KIF26B: variants seen among roughly 807,000 people sequenced by gnomAD.
KIF26B encodes kinesin-like protein KIF26B.
A neutral mutation model predicts 151.2 loss-of-function variants in KIF26B; 63 were observed. The observed-to-expected ratio is 0.42, with a 90% confidence interval of 0.34 to 0.51. The LOEUF is 0.51. Ranked by LOEUF, KIF26B falls within the 20% of genes least tolerant of loss-of-function variation. KIF26B has a pLI of 0.07. For synonymous variants in KIF26B, 1,357 were observed against 1,262.1 expected (o/e 1.08, Z -1.59); for missense variants, 2,813 against 2,913.6 (o/e 0.97, Z 0.79).
At chr1:245,439,117 G>GT (rs1436485790) in intron 4 of KIF26B, among the ~76,000 whole-genome samples, 2 of 152,166 alleles carry the variant, frequency 1.3e-5, no homozygotes. Context: ...GCAGGCCGAG[G>GT]TGGGAGGATC....
rs1484460045 is a variant in KIF26B, at chr1:245,344,412, G to A, written c.466-22422G>A. Among the ~76,000 whole-genome samples the A allele has an allele frequency of 2.7e-5, 4 of 149,210 alleles. No individual in the cohort carries two copies. In the South Asian group the frequency reaches 8.5e-4, roughly 32 times the overall value. ...CGGGAGGCTGAGGCAGGAGAGTGGCGTGAACCCGGAGGGCGGAGCCTGCAG... is the reference window on the plus strand; with the variant it reads ...CGGGAGGCTGAGGCAGGAGAGTGGCATGAACCCGGAGGGCGGAGCCTGCAG... On this transcript the variant is annotated intron_variant, in intron 2 of 14. Transcript: ENST00000407071.
rs369520389 is a variant in KIF26B, at chr1:245,700,134, G to A, written c.6178+1097G>A. On this transcript the variant is annotated intron_variant, in intron 14 of 14. Transcript: ENST00000407071. ...ATAATATTAAGTTGCAGCATTTGCC[G>A]CTGTGGCCACAGGCATACAGACCTG... Among the ~76,000 whole-genome samples the A allele has an allele frequency of 3.3e-4, 51 of 152,246 alleles. 1 individual carries two copies. Among genetic ancestry groups the A allele is most frequent in the African/African-American group, 1.2e-3 (48 of 41,540 alleles).
At chr1:245,275,195 A>G (rs985948078) in intron 2 of KIF26B, among the ~76,000 whole-genome samples, 4 of 152,004 alleles carry the variant, frequency 2.6e-5, no homozygotes, top group African/African-American at 9.7e-5. Flanking sequence ...CTTCTTGTAA[A>G]TTTGTTTAAA....
chr1:245,614,880 AG>A, intron 9 of KIF26B: 2 of 81,010 alleles, frequency 2.5e-5, no homozygotes, highest in Non-Finnish European at 4.7e-5. Flanking sequence ...GAGGAGATGC[AG>A]ACCTTTAAAA....
chr1:245,220,545 T>C (rs747820470), intron 2 of KIF26B, among the ~76,000 whole-genome samples: 1 of 152,150 alleles, frequency 6.6e-6, no homozygotes, highest in Non-Finnish European at 1.5e-5. Context: ...TGCGCCTCAC[T>C]AGTCAGGCAC....
chr1:245,626,683 C>G (rs933772964), intron 9 of KIF26B, among the ~76,000 whole-genome samples: 1 of 152,012 alleles, frequency 6.6e-6, no homozygotes, highest in Non-Finnish European at 1.5e-5. Context: ...TGCAGGTTGT[C>G]TCTTTGCTCT....
intron 2 of KIF26B, among the ~76,000 whole-genome samples, chr1:245,220,172 A>G (rs1669735417): frequency 6.6e-6 from 1 of 152,212 alleles, no homozygotes; most frequent in African/African-American, 2.4e-5. Context: ...ACAGAAAATC[A>G]GAGGAACAGC....
At chr1:245,326,421 T>A (rs1451817640) in intron 2 of KIF26B, among the ~76,000 whole-genome samples, 1 of 152,154 alleles carries the variant, frequency 6.6e-6, no homozygotes, top group Non-Finnish European at 1.5e-5. Context: ...GGAAGTGGCT[T>A]TATTTCTTCC....
intron 4 of KIF26B, among the ~76,000 whole-genome samples, chr1:245,493,649 C>T (rs1660452274): frequency 1.3e-5 from 2 of 152,186 alleles, no homozygotes; most frequent in Non-Finnish European, 2.9e-5. Context: ...CCTACTGAGC[C>T]AGAATTGTCT....
chr1:245,605,292 G>A (rs1166583942), intron 6 of KIF26B, among the ~76,000 whole-genome samples: 2 of 152,200 alleles, frequency 1.3e-5, no homozygotes, highest in African/African-American at 2.4e-5. Flanking sequence ...GCATGCTGCT[G>A]GCCAGGGCAA....
rs1006343977 is a variant in KIF26B, at chr1:245,667,100, A to G, written c.2259-17133A>G. 6.6e-6 allele frequency among the ~76,000 whole-genome samples: 1 copy of G among 150,442 alleles called. No homozygotes were observed. The highest frequency in any genetic ancestry group is 2.5e-5 in the African/African-American group (1 of 39,820). ...CTCTAGGATGTGATGGGAGGCTGAA[A>G]GCATCTCTCTGCTGTGACGTAGGAG... On this transcript the variant is annotated intron_variant, in intron 10 of 14. Coordinates refer to ENST00000407071, the MANE Select transcript of KIF26B (RefSeq NM_018012.4). This position sits in a 1 kb window ranked among gnomAD's most constrained non-coding sequence, Gnocchi z 4.3.
chr1:245,577,473 G>A (rs1190559538), intron 5 of KIF26B, among the ~76,000 whole-genome samples: 1 of 152,244 alleles, frequency 6.6e-6, no homozygotes, highest in African/African-American at 2.4e-5. Flanking sequence ...TCTCCAGGGA[G>A]AGAAGAGGGT....
At chr1:245,701,549 G>A (rs1436678148) in intron 14 of KIF26B, among the ~76,000 whole-genome samples, 1 of 152,164 alleles carries the variant, frequency 6.6e-6, no homozygotes, top group Non-Finnish European at 1.5e-5. Context: ...GCAGAAAGAA[G>A]ACACTCTGCA....
At chr1:245,511,858 A>C (rs1347734004) in intron 4 of KIF26B, among the ~76,000 whole-genome samples, 1 of 152,214 alleles carries the variant, frequency 6.6e-6, no homozygotes, top group Non-Finnish European at 1.5e-5. Context: ...TCACTTGAAG[A>C]CCAAAATCAG....
rs1441002447 is a variant in KIF26B, at chr1:245,573,000, G to T, written c.1351-29577G>T. ...ATATCAATGGAGTTCTTGACATTTTGCCCAGAACCTGAGGAAGAATAAAAC... is the reference window on the plus strand; with the variant it reads ...ATATCAATGGAGTTCTTGACATTTTTCCCAGAACCTGAGGAAGAATAAAAC... On this transcript the variant is annotated intron_variant, in intron 5 of 14. Coordinates refer to ENST00000407071, the MANE Select transcript of KIF26B (RefSeq NM_018012.4). This position sits in a 1 kb window ranked among gnomAD's most constrained non-coding sequence, Gnocchi z 4.2. Among the ~76,000 whole-genome samples the T allele has an allele frequency of 3.9e-5, 6 of 152,144 alleles. No homozygotes were observed. The highest frequency in any genetic ancestry group is 1.4e-4 in the African/African-American group (6 of 41,444).
chr1:245,507,450 T>C (rs925909763), intron 4 of KIF26B, among the ~76,000 whole-genome samples: 2 of 152,210 alleles, frequency 1.3e-5, no homozygotes, highest in Admixed American at 6.5e-5. Flanking sequence ...TGTGTTGGAC[T>C]TGATGGCTGG....
At chr1:245,523,297 A>G (rs1391663383) in intron 4 of KIF26B, among the ~76,000 whole-genome samples, 1 of 152,152 alleles carries the variant, frequency 6.6e-6, no homozygotes, top group African/African-American at 2.4e-5. Context: ...CTCAATTTAC[A>G]CAATTCTTTT....
chr1:245,184,120 G>A (rs1668962516), intron 2 of KIF26B, among the ~76,000 whole-genome samples: 1 of 116,728 alleles, frequency 8.6e-6, no homozygotes, highest in African/African-American at 3.2e-5. Context: ...CCAAGGATCA[G>A]TTATAGCTCT....
At position 245,244,108 on chromosome 1, in the gene KIF26B, G is replaced by A. The variant is rs1354154232; in HGVS notation, c.465+87425G>A. Among the ~76,000 whole-genome samples the A allele has an allele frequency of 6.6e-6, 1 of 151,810 alleles. No individual in the cohort carries two copies. Among genetic ancestry groups the A allele is most frequent in the Non-Finnish European group, 1.5e-5 (1 of 67,970 alleles). On this transcript the variant is annotated intron_variant, in intron 2 of 14. Coordinates refer to ENST00000407071, the MANE Select transcript of KIF26B (RefSeq NM_018012.4). The surrounding 1 kb of genome is among the most constrained non-coding windows in gnomAD (Gnocchi z 4.2). ...ACTACAGGCATGCACCATCATGCCTGGCTAATTTTTATTTATTTATTTATT... is the reference window on the plus strand; with the variant it reads ...ACTACAGGCATGCACCATCATGCCTAGCTAATTTTTATTTATTTATTTATT...
Sources: allele counts gnomAD v4.1 joint callset (sites outside exome capture counted in the v4.1 genomes callset), GRCh38; gene constraint gnomAD v4.1.1; non-coding constraint Gnocchi (gnomAD v3.1); transcripts MANE v1.5; gene names NCBI Gene and HGNC (gene_info 2026-07-23, HGNC 2026-07-21).